Variants in RANBP2 observed in about 807,000 individuals in gnomAD.
RANBP2 encodes the protein E3 SUMO-protein ligase RanBP2.
A neutral mutation model predicts 303.6 loss-of-function variants in RANBP2; 57 were observed. The ratio of observed to expected loss-of-function variants is 0.19; its 90% CI spans 0.15 to 0.23. The LOEUF (loss-of-function observed/expected upper bound fraction) is 0.23, where lower values mean the gene tolerates loss of function less well. Among genes scored for constraint, RANBP2 ranks in the 10% least tolerant of loss-of-function variants. RANBP2 has a pLI of 1.00. For synonymous variants in RANBP2, 1,167 were observed against 1,301.5 expected (o/e 0.90, Z 2.23); for missense variants, 3,138 against 3,780.8 (o/e 0.83, Z 4.46).
the RANBP2 span, among the ~76,000 whole-genome samples, chr2:109,514,550 G>A: frequency 3.3e-5 from 5 of 152,292 alleles, no homozygotes; most frequent in African/African-American, 4.8e-5. Flanking sequence ...ATGCCGCAGG[G>A]AAGCCCTGGT....
the RANBP2 span, chr2:109,371,561 G>A: frequency 1.1e-4 from 178 of 1,606,654 alleles, no homozygotes; most frequent in Non-Finnish European, 1.5e-4. Flanking sequence ...GTATGCTTGT[G>A]TCCACGGTGG....
the RANBP2 span, among the ~76,000 whole-genome samples, chr2:108,958,975 C>T: frequency 2.2e-4 from 34 of 152,348 alleles, no homozygotes; most frequent in South Asian, 5.6e-3. Context: ...CAAGAAGTGG[C>T]CTCCATGGCT....
chr2:108,970,558 T>G, the RANBP2 span, among the ~76,000 whole-genome samples: 1 of 150,244 alleles, frequency 6.7e-6, no homozygotes. Context: ...GGCAGGGAGG[T>G]GGACAGGATT....
chr2:109,278,256 C>T, the RANBP2 span, among the ~76,000 whole-genome samples: 1 of 152,188 alleles, frequency 6.6e-6, no homozygotes, highest in African/African-American at 2.4e-5. Flanking sequence ...TCCCTGAGCC[C>T]ACGGTAGGCA....
the RANBP2 span, among the ~76,000 whole-genome samples, chr2:108,976,122 G>T: frequency 7.2e-3 from 1,089 of 152,226 alleles, 7 homozygotes; most frequent in South Asian, 0.028. Context: ...TTCTCCTAAC[G>T]TTCTTTTTCT....
the RANBP2 span, among the ~76,000 whole-genome samples, chr2:109,378,041 T>A: frequency 6.6e-6 from 1 of 152,216 alleles, no homozygotes; most frequent in Non-Finnish European, 1.5e-5. Context: ...CTTGGTCTTG[T>A]GGGTTTTCGG....
chr2:109,220,587 AC>A, the RANBP2 span, among the ~76,000 whole-genome samples: 1 of 152,206 alleles, frequency 6.6e-6, no homozygotes, highest in Non-Finnish European at 1.5e-5. Context: ...AATTTAAAAA[AC>A]CCAATTCAAA....
At chr2:108,800,608 CTTTTTTTTT>C in the RANBP2 span, among the ~76,000 whole-genome samples, 5 of 33,492 alleles carry the variant, frequency 1.5e-4, no homozygotes, top group Admixed American at 1.1e-3. Flanking sequence ...CTCAGTTTAG[CTTTTTTTTT>C]TTTTTTTTTT....
chr2:108,786,613 T>G (rs1678763772), downstream of RANBP2: 1 of 589,438 alleles, frequency 1.7e-6, no homozygotes, highest in Non-Finnish European at 3.0e-6. Context: ...ACTACTCAGT[T>G]ACGAGGTGTG....
chr2:109,337,266 G>A, the RANBP2 span, among the ~76,000 whole-genome samples: 2 of 152,180 alleles, frequency 1.3e-5, no homozygotes, highest in Non-Finnish European at 2.9e-5. Flanking sequence ...GGCTCCCTTG[G>A]TCCTGGGACC....
chr2:109,184,542 C>T, the RANBP2 span, among the ~76,000 whole-genome samples: 2 of 152,250 alleles, frequency 1.3e-5, no homozygotes, highest in South Asian at 4.1e-4. Context: ...GGAGGCTGAG[C>T]TGTTGCTTAG....
chr2:108,808,658 T>A, the RANBP2 span, among the ~76,000 whole-genome samples: 1 of 152,200 alleles, frequency 6.6e-6, no homozygotes, highest in Non-Finnish European at 1.5e-5. Context: ...TGTATGCCTT[T>A]GTTTGAGAAA....
At chr2:109,528,112 G>A in the RANBP2 span, among the ~76,000 whole-genome samples, 1 of 152,228 alleles carries the variant, frequency 6.6e-6, no homozygotes, top group African/African-American at 2.4e-5. Context: ...GTCAGCTGGA[G>A]GCCCAGATGA....
At position 108,727,476 on chromosome 2, in the gene RANBP2, G is replaced by A. The variant is rs36012117; in HGVS notation, c.73-1656G>A. On this transcript the variant is annotated intron_variant, in intron 1 of 28. Transcript: ENST00000283195. ...AAACAGGAAACATGTTTCGATTGAC[G>A]GCAACCTGGTTTGATACTATTCATC... Among the ~76,000 whole-genome samples, 688 of 152,068 alleles carry A rather than the reference G, an allele frequency of 4.5e-3. 4 individuals are homozygous for A. Among genetic ancestry groups the A allele is most frequent in the African/African-American group, 0.016 (656 of 41,492 alleles).
chr2:109,403,578 A>G, the RANBP2 span, among the ~76,000 whole-genome samples: 23 of 152,318 alleles, frequency 1.5e-4, no homozygotes, highest in Middle Eastern at 3.4e-3. Context: ...AGGCCAAAGG[A>G]GACACGCAGG....
chr2:109,487,561 G>C, the RANBP2 span, among the ~76,000 whole-genome samples: 1 of 152,208 alleles, frequency 6.6e-6, no homozygotes, highest in African/African-American at 2.4e-5. Flanking sequence ...CTGGAGAATT[G>C]AGACAGGAAA....
the RANBP2 span, among the ~76,000 whole-genome samples, chr2:108,964,072 A>G: frequency 6.6e-6 from 1 of 152,214 alleles, no homozygotes; most frequent in South Asian, 2.1e-4. Flanking sequence ...TGAGTTTCTC[A>G]TGTTAATGAA....
chr2:109,299,085 C>G, the RANBP2 span, among the ~76,000 whole-genome samples: 5 of 152,218 alleles, frequency 3.3e-5, no homozygotes, highest in Non-Finnish European at 2.9e-5. Context: ...CCACAAGCCA[C>G]TGGGCAGGCT....
chr2:109,583,198 G>C, the RANBP2 span, among the ~76,000 whole-genome samples: 9 of 152,216 alleles, frequency 5.9e-5, no homozygotes, highest in Admixed American at 4.6e-4. Context: ...CTTCTACATA[G>C]CAAAACAAAC....
Sources: gnomAD v4.1 joint callset for allele counts (sites outside exome capture counted in the v4.1 genomes callset) on GRCh38, gnomAD v4.1.1 for gene constraint, MANE v1.5 for transcripts, NCBI Gene and HGNC (gene_info 2026-07-23, HGNC 2026-07-21) for gene names.